Variants in A2ML1 observed in about 807,000 individuals in gnomAD.
A2ML1 encodes alpha-2-macroglobulin-like protein 1.
A neutral mutation model predicts 181.9 loss-of-function variants in A2ML1; 161 were observed. That is an observed-to-expected ratio of 0.89 (90% confidence interval 0.78 to 1.01). A2ML1 has a LOEUF of 1.01. A2ML1 is among the 50% of genes least tolerant of loss of function. The pLI is 0.00. For missense variants in A2ML1, 1,670 were observed against 1,768.1 expected, an observed-to-expected ratio of 0.94 and a Z score of 1.00; for synonymous variants, 663 against 666.8, an observed-to-expected ratio of 0.99 and a Z score of 0.09.
chr12:8,874,913 T>G (rs1239463481), intron 34 of A2ML1, 58 bp from the exon 35 acceptor site: 2 of 1,573,402 alleles, frequency 1.3e-6, no homozygotes, highest in African/African-American at 2.7e-5. Flanking sequence ...TCTGAAGCAT[T>G]TTCCCTCTGA....
In A2ML1 at chr12:8,846,274, T is replaced by A. The variant is rs769403400; in HGVS notation, c.1683+52T>A. 9.3e-6 allele frequency: 15 copies of A among 1,605,936 alleles called. No individual in the cohort carries two copies. In the South Asian group the frequency reaches 1.4e-4, roughly 15 times the overall value. On this transcript the variant is annotated intron_variant, in intron 14 of 35. Coordinates refer to ENST00000299698, the MANE Select transcript of A2ML1 (RefSeq NM_144670.6). ...GATAAAAGTTGGGCATAGAGAAAGA[T>A]CTTGTGTGTGCTGCGGTTGGAAACA... is the stretch of plus-strand genomic sequence containing the variant.
At chr12:8,842,111 A>G (rs763152791) in intron 11 of A2ML1, among the ~76,000 whole-genome samples, 3 of 152,306 alleles carry the variant, frequency 2.0e-5, no homozygotes, top group African/African-American at 7.2e-5. Flanking sequence ...CATGCCTCTC[A>G]TGCAGGAGCC....
rs4883187 is a variant in A2ML1, at chr12:8,834,954, T to C, written c.483+272T>C. ...TTCCCCTAACTTCTCTGTGCCCAGATGACTTAACCAGGCTTGGTTCCATAC... is the reference window on the plus strand; with the variant it reads ...TTCCCCTAACTTCTCTGTGCCCAGACGACTTAACCAGGCTTGGTTCCATAC... On this transcript the variant is annotated intron_variant, in intron 5 of 35. Coordinates refer to ENST00000299698, the MANE Select transcript of A2ML1 (RefSeq NM_144670.6). 424,524 of 492,882 alleles carry C rather than the reference T, an allele frequency of 0.86. 183,578 individuals carry two copies. Among genetic ancestry groups the C allele is most frequent in the East Asian group, 1 (29,603 of 29,636 alleles). 30.5% of individuals were successfully genotyped at this position (492,882 alleles called of 1,614,324 possible). A position where few individuals can be genotyped will look rare whatever the true frequency, so the allele number is the denominator to read the frequency against.
intron 33 of A2ML1, 142 bp downstream of exon 33, chr12:8,869,345 C>T (rs1944543119): frequency 1.3e-6 from 1 of 794,288 alleles, no homozygotes; most frequent in Non-Finnish European, 2.1e-6. Context: ...AGTTCTGCCT[C>T]CATGCTGGTA....
intron 13 of A2ML1, 52 bp downstream of exon 13, chr12:8,845,554 A>G (rs776105760): frequency 1.2e-6 from 2 of 1,605,788 alleles, no homozygotes; most frequent in South Asian, 2.2e-5. Flanking sequence ...TAAATTCCAG[A>G]AAACAATTCT....
chr12:8,857,209 A>C lies in A2ML1; in HGVS notation c.2894A>C (p.Gln965Pro). ...CTGCAGAACCTGGATGGTCTGGTGC[A>C]GATGCCCAGTGGCTGTGGCGAGCAG... ...TALQNLDGLV[Q>P]MPSGCGEQNM... The change falls in exon 24 of 36, where the codon CAG becomes CCG. Residue 965 changes from glutamine to proline, a missense_variant. By Grantham distance (76) the Gln-to-Pro change is moderately conservative. Transcript: ENST00000299698. 1.2e-6 allele frequency: 2 copies of C among 1,612,966 alleles called. No individual in the cohort carries two copies. The highest frequency in any genetic ancestry group is 2.2e-5 in the East Asian group (1 of 44,890).
At position 8,848,705 on chromosome 12, in the gene A2ML1, C is replaced by A. The variant is rs778477466; in HGVS notation, c.1834-15C>A. 6.3e-7 allele frequency: 1 copy of A among 1,577,216 alleles called. No individual in the cohort carries two copies. The highest frequency in any genetic ancestry group is 1.2e-5 in the South Asian group (1 of 84,566). On this transcript the variant is annotated splice_polypyrimidine_tract_variant and intron_variant, in intron 15 of 35. Transcript: ENST00000299698. ...CTATATCAATGCTTTATTTCCTCTC[C>A]CCCTCTTGTCCCAGGTCTATGGGAT... is the stretch of plus-strand genomic sequence containing the variant.
chr12:8,850,790 T>G (rs897359637), intron 18 of A2ML1, among the ~76,000 whole-genome samples: 1 of 152,124 alleles, frequency 6.6e-6, no homozygotes, highest in Non-Finnish European at 1.5e-5. Context: ...CAGGCTGGAG[T>G]GCAGTGGCAT....
chr12:8,835,955 G>A (rs1183345527), intron 6 of A2ML1, among the ~76,000 whole-genome samples: 1 of 145,142 alleles, frequency 6.9e-6, no homozygotes, highest in Non-Finnish European at 1.5e-5. Flanking sequence ...GCAGCTTGCA[G>A]TGAGCTGACA....
intron 4 of A2ML1, chr12:8,830,562 T>C (rs1405730933): frequency 6.6e-6 from 1 of 152,160 alleles, no homozygotes; most frequent in African/African-American, 2.4e-5. Flanking sequence ...GAATATTTGA[T>C]TTTTCCTTGG....
intron 11 of A2ML1, among the ~76,000 whole-genome samples, chr12:8,842,217 T>C (rs753821181): frequency 6.7e-6 from 1 of 148,466 alleles, no homozygotes; most frequent in Non-Finnish European, 1.5e-5. Context: ...GCATATGTTT[T>C]TTTCTTTTTT....
chr12:8,872,127 C>T (rs1270743211), intron 33 of A2ML1, among the ~76,000 whole-genome samples: 3 of 150,666 alleles, frequency 2.0e-5, no homozygotes, highest in Admixed American at 1.3e-4. Context: ...TGCAGTGAGC[C>T]GAGATTGCGC....
intron 1 of A2ML1, 61 bp downstream of exon 1, chr12:8,822,774 A>T (rs1942785243): frequency 2.1e-5 from 32 of 1,499,414 alleles, no homozygotes; most frequent in Non-Finnish European, 2.8e-5. Context: ...TAACTTTCTC[A>T]AACATTTATA....
intron 26 of A2ML1, 111 bp from the exon 27 acceptor site, chr12:8,860,770 C>A (rs1944228330): frequency 3.3e-6 from 3 of 918,254 alleles, no homozygotes; most frequent in African/African-American, 1.7e-5. Context: ...TTTCTTTTTT[C>A]TTTTTAAAAA....
At chr12:8,857,128 G>A in intron 23 of A2ML1, 36 bp from the exon 24 acceptor site, 1 of 1,597,326 alleles carries the variant, frequency 6.3e-7, no homozygotes, top group Non-Finnish European at 8.5e-7. Context: ...CTTCTTCTCT[G>A]TACCCCTACC....
At chr12:8,873,583 A>T (rs1944700629) in intron 33 of A2ML1, among the ~76,000 whole-genome samples, 1 of 151,358 alleles carries the variant, frequency 6.6e-6, no homozygotes, top group Admixed American at 6.6e-5. Flanking sequence ...GTTTTTAAAA[A>T]TTACATGTAT....
At chr12:8,844,458 G>T (rs1018479913) in intron 12 of A2ML1, among the ~76,000 whole-genome samples, 1 of 152,014 alleles carries the variant, frequency 6.6e-6, no homozygotes, top group Non-Finnish European at 1.5e-5. Flanking sequence ...ATGATATGGG[G>T]TTAAATTCAC....
chr12:8,858,199 G>A, intron 26 of A2ML1, 97 bp downstream of exon 26: 4 of 1,413,268 alleles, frequency 2.8e-6, no homozygotes, highest in Non-Finnish European at 2.8e-6. Context: ...CTGGGAATCA[G>A]TTTTCTCCTG....
intron 10 of A2ML1, 127 bp from the exon 11 acceptor site, chr12:8,841,242 G>C: frequency 2.5e-6 from 2 of 792,552 alleles, no homozygotes; most frequent in Non-Finnish European, 4.0e-6. Flanking sequence ...TGTATTCTTA[G>C]AAATTCTGTT....
Sources: gnomAD v4.1 joint callset for allele counts (sites outside exome capture counted in the v4.1 genomes callset) on GRCh38, gnomAD v4.1.1 for gene constraint, MANE v1.5 for transcripts, NCBI Gene and HGNC (gene_info 2026-07-23, HGNC 2026-07-21) for gene names.